GMEB2: variants seen among roughly 807,000 people sequenced by gnomAD.
The protein encoded by GMEB2 is glucocorticoid modulatory element binding protein 2.
In GMEB2, 7 loss-of-function variants were observed where a neutral mutation model predicts 45.7. That is an observed-to-expected ratio of 0.15 (90% CI 0.09 to 0.29). The LOEUF (loss-of-function observed/expected upper bound fraction) is 0.29, where lower values mean the gene tolerates loss of function less well. Ranked by LOEUF, GMEB2 falls within the 10% of genes least tolerant of loss-of-function variation. GMEB2 has a pLI of 1.00. For missense variants in GMEB2, 582 were observed against 739.2 expected (o/e 0.79, Z 2.47); for synonymous variants, 322 against 323.6 (o/e 1.00, Z 0.05).
chr20:63,612,161 T>A (rs1208718210), intron 2 of GMEB2, among the ~76,000 whole-genome samples: 1 of 152,094 alleles, frequency 6.6e-6, no homozygotes, highest in Non-Finnish European at 1.5e-5. Context: ...GGAAAAAATA[T>A]AAAAAATAGA....
intron 2 of GMEB2, among the ~76,000 whole-genome samples, chr20:63,616,726 C>G (rs2146089364): frequency 6.6e-6 from 1 of 152,320 alleles, no homozygotes; most frequent in East Asian, 1.9e-4. Flanking sequence ...AGATGTCCCA[C>G]CCTCACCCAT....
intron 9 of GMEB2, among the ~76,000 whole-genome samples, chr20:63,591,269 C>T (rs779860575): frequency 8.5e-5 from 13 of 152,236 alleles, no homozygotes; most frequent in Non-Finnish European, 1.3e-4. Flanking sequence ...ACTGAATACA[C>T]ACACACTGAA....
At chr20:63,609,005 CA>C in intron 2 of GMEB2, among the ~76,000 whole-genome samples, 1 of 24,068 alleles carries the variant, frequency 4.2e-5, no homozygotes. Flanking sequence ...CTCTGACCCA[CA>C]CCTCCATTTC....
rs1161908105 is a variant in GMEB2, at chr20:63,588,407, G to A, written c.*1682C>T. On this transcript the variant is annotated 3_prime_UTR_variant, in exon 10 of 10. Coordinates refer to ENST00000370077, the MANE Select transcript of GMEB2 (RefSeq NM_012384.5). ...GGGCCGCAGGGCTCTCCTGACCCCC[G>A]TAGGGTCATACCGCTGCATGCTGCA... is the stretch of plus-strand genomic sequence containing the variant. 1.1e-4 allele frequency: 21 copies of A among 184,820 alleles called. No homozygotes were observed. The highest frequency in any genetic ancestry group is 1.6e-4 in the African/African-American group (7 of 42,818). 11.4% of individuals were successfully genotyped at this position (184,820 alleles called of 1,614,324 possible).
Position 63,592,877 on chromosome 20 carries a change from G to A in GMEB2, c.691+134C>T. On this transcript the variant is annotated intron_variant, in intron 7 of 9. Transcript: ENST00000370077. The surrounding 1 kb of genome is among the most constrained non-coding windows in gnomAD (Gnocchi z 8.2). ...TCAGAGCGCCCACGACAATGCTGCT[G>A]GAACCAGGCCTTTCTCCACAAAGAC... 5.5e-6 allele frequency: 4 copies of A among 726,132 alleles called. No homozygotes were observed. Among genetic ancestry groups the A allele is most frequent in the Non-Finnish European group, 9.7e-6 (4 of 412,636 alleles). 45.0% of individuals were successfully genotyped at this position (726,132 alleles called of 1,614,324 possible).
chr20:63,590,974 C>T (rs1236022387), intron 9 of GMEB2, among the ~76,000 whole-genome samples: 1 of 152,064 alleles, frequency 6.6e-6, no homozygotes, highest in South Asian at 2.1e-4. Flanking sequence ...TCTGCACTGA[C>T]CCGGGGCCTG....
chr20:63,590,156 G>T lies in GMEB2; in HGVS notation c.1526C>A (p.Pro509His). ...TIVTVPAGAA[P>H]GPEEHTATIE... Reference sequence around the variant, plus strand: ...GGTGGCCGTGTGCTCCTCAGGCCCGGGGGCAGCCCCTGCGGGCACTGTCAC... The same window carrying T: ...GGTGGCCGTGTGCTCCTCAGGCCCGTGGGCAGCCCCTGCGGGCACTGTCAC... Residue 509 changes from proline to histidine, a missense_variant, in exon 10 of 10, where the codon CCC (proline) becomes CAC (histidine). By Grantham distance (77) the Pro-to-His change is moderately conservative. This residue lies in a region of GMEB2 where 462 missense variants were observed against 586.7 expected (regional missense o/e 0.79). Transcript: ENST00000370077. 6.3e-7 allele frequency: 1 copy of T among 1,579,596 alleles called. No homozygotes were observed.
At chr20:63,617,458 G>A (rs1438766425) in intron 2 of GMEB2, among the ~76,000 whole-genome samples, 1 of 152,194 alleles carries the variant, frequency 6.6e-6, no homozygotes, top group African/African-American at 2.4e-5. Context: ...ACTCTCTGCT[G>A]TTCAGGCCAC....
At chr20:63,625,206 C>T (rs550865785) in intron 1 of GMEB2, among the ~76,000 whole-genome samples, 1 of 152,060 alleles carries the variant, frequency 6.6e-6, no homozygotes, top group East Asian at 1.9e-4. Context: ...GATGGAGTCT[C>T]GCTCTGTCAC....
chr20:63,624,220 C>T lies in GMEB2; in HGVS notation c.-58+2736G>A, dbSNP rs369651957. 2.2e-4 allele frequency among the ~76,000 whole-genome samples: 33 copies of T among 151,568 alleles called. 1 individual carries two copies. In the East Asian group the frequency reaches 6.0e-3, roughly 28 times the overall value. On this transcript the variant is annotated intron_variant, in intron 1 of 9. Coordinates refer to ENST00000370077, the MANE Select transcript of GMEB2 (RefSeq NM_012384.5). ...TCACCTGAGGTCAGGAATTCAAGAC[C>T]AGCCTGGCCACCATGATGAAACCCT...
chr20:63,591,894 G>T, intron 9 of GMEB2, 128 bp downstream of exon 9: 1 of 748,576 alleles, frequency 1.3e-6, no homozygotes, highest in East Asian at 2.7e-5. Context: ...ACAGCAGTGC[G>T]GAGAAGCTCG....
Position 63,588,380 on chromosome 20 carries a change from G to A in GMEB2, c.*1709C>T. ...AGTGACAGGTTCTGAGCTGGTGGGT[G>A]GGGGCCGCAGGGCTCTCCTGACCCC... On this transcript the variant is annotated 3_prime_UTR_variant, in exon 10 of 10. Coordinates refer to ENST00000370077, the MANE Select transcript of GMEB2 (RefSeq NM_012384.5). 5.8e-6 allele frequency: 1 copy of A among 171,104 alleles called. No individual in the cohort carries two copies. The highest frequency in any genetic ancestry group is 1.5e-4 in the East Asian group (1 of 6,452). 10.6% of individuals were successfully genotyped at this position (171,104 alleles called of 1,614,324 possible).
chr20:63,591,903 C>T (rs911400213), intron 9 of GMEB2, 119 bp downstream of exon 9: 36 of 825,652 alleles, frequency 4.4e-5, no homozygotes, highest in Non-Finnish European at 6.2e-5. Context: ...CGGAGAAGCT[C>T]GCCGTGGTGG....
At position 63,621,667 on chromosome 20, in the gene GMEB2, C is replaced by CAAAAAAAAAAA. The variant is rs56222018; in HGVS notation, c.-57-2224_-57-2214dup. Among the ~76,000 whole-genome samples, 3 of 54,636 alleles carry CAAAAAAAAAAA rather than the reference C, an allele frequency of 5.5e-5. 1 individual carries two copies. Among genetic ancestry groups the CAAAAAAAAAAA allele is most frequent in the East Asian group, 7.2e-4 (2 of 2,780 alleles). The allele number at this position is 54,636 out of a possible 152,430, so 35.8% of individuals were successfully genotyped here. ...GGGCAACAAGAGCGAAACTCCATCT[C>CAAAAAAAAAAA]AAAAAAAAAAAAAAAAAAAAAAAAA... On this transcript the variant is annotated intron_variant, in intron 1 of 9. Transcript: ENST00000370077.
chr20:63,602,926 A>C, intron 4 of GMEB2, 39 bp downstream of exon 4: 1 of 1,593,996 alleles, frequency 6.3e-7, no homozygotes. Context: ...AGACACCATG[A>C]GGCCTCTCTC....
intron 1 of GMEB2, among the ~76,000 whole-genome samples, chr20:63,621,975 A>T (rs963384815): frequency 1.3e-5 from 2 of 151,804 alleles, no homozygotes; most frequent in South Asian, 4.1e-4. Context: ...TAAATAATAA[A>T]AAATAGCCAG....
rs141112706 is a variant in GMEB2, at chr20:63,595,610, C to A, written c.619G>T (p.Val207Leu). 3 of 1,604,560 alleles carry A rather than the reference C, an allele frequency of 1.9e-6. No homozygotes were observed. The African/African-American group carries it at 4.0e-5, about 21-fold the overall frequency. Residue 207 changes from valine to leucine, a missense_variant and splice_region_variant, in exon 6 of 10, where the codon GTG becomes TTG. Physicochemically the swap from Val to Leu is conservative, Grantham distance 32 (BLOSUM62 1). Around this residue, in one of 3 missense-constraint regions of GMEB2, gnomAD observed 462 missense variants for 586.7 expected, o/e 0.79. Transcript: ENST00000370077. Reference sequence around the variant, plus strand: ...AGGACGAGCAGCCCTGTGCACCTACCGTCGGCTGCGGCGGGCGTGAGGGGA... The same window carrying A: ...AGGACGAGCAGCCCTGTGCACCTACAGTCGGCTGCGGCGGGCGTGAGGGGA... ...YIPLTPAAAD[V>L]NGSPATITIE...
At chr20:63,604,065 A>AT (rs2089498575) in intron 3 of GMEB2, among the ~76,000 whole-genome samples, 1 of 125,782 alleles carries the variant, frequency 8.0e-6, no homozygotes, top group South Asian at 2.4e-4. Context: ...AAAAAAAAAA[A>AT]AAAAACAGAA....
chr20:63,614,674 A>G (rs1354336201), intron 2 of GMEB2, among the ~76,000 whole-genome samples: 1 of 152,188 alleles, frequency 6.6e-6, no homozygotes, highest in Non-Finnish European at 1.5e-5. Flanking sequence ...GTCCGCCTTC[A>G]TGTTCCATCC....
Sources: allele counts gnomAD v4.1 joint callset (sites outside exome capture counted in the v4.1 genomes callset), GRCh38; gene constraint gnomAD v4.1.1; regional missense constraint gnomAD v4.1.1; non-coding constraint Gnocchi (gnomAD v3.1); transcripts MANE v1.5; gene names NCBI Gene and HGNC (gene_info 2026-07-23, HGNC 2026-07-21).